TUT4: variants seen among roughly 807,000 people sequenced by gnomAD.
The protein encoded by TUT4 is terminal uridylyl transferase 4.
A neutral mutation model predicts 192.2 loss-of-function variants in TUT4; 36 were observed. That is an observed-to-expected ratio of 0.19 (90% CI 0.14 to 0.25). The LOEUF (loss-of-function observed/expected upper bound fraction) is 0.25, where lower values mean the gene tolerates loss of function less well. Among genes scored for constraint, TUT4 ranks in the 10% least tolerant of loss-of-function variants. The pLI, the probability that TUT4 is intolerant of heterozygous loss-of-function variation, is 1.00. For synonymous variants in TUT4, 618 were observed against 666.0 expected (o/e 0.93, Z 1.11); for missense variants, 1,493 against 1,957.2 (o/e 0.76, Z 4.47).
intron 28 of TUT4, among the ~76,000 whole-genome samples, chr1:52,428,658 A>G (rs1410984539): frequency 6.7e-6 from 1 of 148,534 alleles, no homozygotes; most frequent in Non-Finnish European, 1.5e-5. Flanking sequence ...AATTCCGGGC[A>G]TGGTGGTGCG....
chr1:52,450,695 C>T (rs1030008606), intron 20 of TUT4, among the ~76,000 whole-genome samples: 5 of 152,000 alleles, frequency 3.3e-5, no homozygotes, highest in African/African-American at 1.2e-4. Context: ...GATGATGAAA[C>T]TCAGACTTAT....
intron 14 of TUT4, among the ~76,000 whole-genome samples, chr1:52,471,636 C>A (rs944382910): frequency 4.0e-5 from 6 of 151,302 alleles, no homozygotes; most frequent in African/African-American, 1.5e-4. Context: ...TAGTATAAAA[C>A]TGAAGAACTT....
rs80114823 is a variant in TUT4 at position 52,449,099 on chromosome 1, A to T, written c.3436-2432T>A. On this transcript the variant is annotated intron_variant, in intron 20 of 29. Transcript: ENST00000257177. ...CACACACACAGACACACACACACAC[A>T]CTCTCTCTCCCTGCTGTCTCTCTGT... 3.7e-3 allele frequency among the ~76,000 whole-genome samples: 560 copies of T among 151,360 alleles called. 9 individuals carry two copies. Among genetic ancestry groups the T allele is most frequent in the South Asian group, 0.034 (164 of 4,798 alleles).
intron 18 of TUT4, 64 bp downstream of exon 18, chr1:52,461,449 G>T: frequency 1.4e-6 from 2 of 1,447,686 alleles, no homozygotes; most frequent in South Asian, 2.5e-5. Flanking sequence ...TTTAAACATA[G>T]AGTCAGTAAT....
At chr1:52,492,278 G>A (rs1671351678) in intron 7 of TUT4, among the ~76,000 whole-genome samples, 1 of 152,084 alleles carries the variant, frequency 6.6e-6, no homozygotes, top group Non-Finnish European at 1.5e-5. Context: ...GATAAGAGCT[G>A]ATTGTGTGGA....
At chr1:52,525,365 CTT>C (rs11347391) in intron 2 of TUT4, among the ~76,000 whole-genome samples, 196 bp downstream of exon 2, 1 of 146,652 alleles carries the variant, frequency 6.8e-6, no homozygotes. Flanking sequence ...AATGAAAAGG[CTT>C]TTTTTTTTTA....
upstream of TUT4, chr1:52,553,124 A>T (rs1453367245): frequency 2.2e-4 from 29 of 129,582 alleles, no homozygotes; most frequent in Non-Finnish European, 3.3e-5. Context: ...GGGGAGGGGG[A>T]GGAGGAGGGA....
At chr1:52,546,027 T>C (rs1688008566) in intron 1 of TUT4, among the ~76,000 whole-genome samples, 1 of 148,620 alleles carries the variant, frequency 6.7e-6, no homozygotes, top group Non-Finnish European at 1.5e-5. Context: ...CAGTCCCACC[T>C]ACTCAAGAGG....
chr1:52,460,130 G>A (rs898579856), intron 19 of TUT4, among the ~76,000 whole-genome samples: 4 of 152,174 alleles, frequency 2.6e-5, no homozygotes, highest in Non-Finnish European at 5.9e-5. Flanking sequence ...AGTCTTGTAT[G>A]TAGTATGTGC....
At position 52,495,432 on chromosome 1, in the gene TUT4, G is replaced by C; in HGVS notation, c.1261C>G (p.Pro421Ala). ...GAAAGATTCTAATTACTTACCTTGG[G>C]AGGAAATTTTATATCTATATTAACA... ...SDVNIDIKFP[P>A]KMNHPDLLIK... Residue 421 changes from proline to alanine, a missense_variant, in exon 6 of 30, where the codon CCC becomes GCC. Physicochemically the swap from Pro to Ala is conservative, Grantham distance 27 (BLOSUM62 -1). Coordinates refer to ENST00000257177, the MANE Select transcript of TUT4 (RefSeq NM_001009881.3). The C allele has an allele frequency of 6.3e-7, 1 of 1,596,438 alleles. No individual in the cohort carries two copies. Among genetic ancestry groups the C allele is most frequent in the Non-Finnish European group, 8.6e-7 (1 of 1,167,682 alleles).
At chr1:52,424,215 G>A (rs960705003) in intron 29 of TUT4, 10 of 532,536 alleles carry the variant, frequency 1.9e-5, no homozygotes, top group Non-Finnish European at 3.3e-5. Context: ...GAAAGATGGA[G>A]AGGAGGAATC....
At chr1:52,461,025 A>G (rs1173476049) in intron 19 of TUT4, 109 bp downstream of exon 19, 1 of 841,448 alleles carries the variant, frequency 1.2e-6, no homozygotes, top group African/African-American at 1.7e-5. Flanking sequence ...TTCTTTTTTA[A>G]AAGCTCAGAT....
chr1:52,510,101 C>G (rs187590541), intron 3 of TUT4, among the ~76,000 whole-genome samples: 1 of 151,980 alleles, frequency 6.6e-6, no homozygotes, highest in East Asian at 1.9e-4. Context: ...CACTTGAGCT[C>G]AGGAGTTGAA....
At chr1:52,551,955 T>C (rs1016937918) in intron 1 of TUT4, among the ~76,000 whole-genome samples, 1 of 152,168 alleles carries the variant, frequency 6.6e-6, no homozygotes, top group Admixed American at 6.5e-5. Context: ...AATTACTAAA[T>C]GCATGCCAAC....
chr1:52,491,140 C>A (rs761731754), intron 7 of TUT4, among the ~76,000 whole-genome samples: 13 of 152,304 alleles, frequency 8.5e-5, no homozygotes, highest in Non-Finnish European at 1.6e-4. Flanking sequence ...AGAGAGGACA[C>A]CCCTTACTCC....
At chr1:52,496,469 T>C (rs982895611) in intron 5 of TUT4, among the ~76,000 whole-genome samples, 1 of 152,124 alleles carries the variant, frequency 6.6e-6, no homozygotes, top group Non-Finnish European at 1.5e-5. Context: ...ATCCCTTTGG[T>C]GGGAAGAAAT....
chr1:52,466,886 C>T (rs968342614), intron 15 of TUT4, among the ~76,000 whole-genome samples: 10 of 151,860 alleles, frequency 6.6e-5, no homozygotes, highest in Non-Finnish European at 1.3e-4. Context: ...AGACTCGTCT[C>T]GAACTCCTGA....
intron 4 of TUT4, among the ~76,000 whole-genome samples, chr1:52,500,890 A>G (rs1057181106): frequency 3.3e-5 from 5 of 152,188 alleles, no homozygotes; most frequent in Non-Finnish European, 5.9e-5. Flanking sequence ...CCATGACTGT[A>G]CTCCAGCCTG....
Position 52,428,541 on chromosome 1 carries a change from G to A in TUT4, c.4711+2472C>T, listed in dbSNP as rs543692838. Among the ~76,000 whole-genome samples the A allele has an allele frequency of 2.0e-5, 3 of 150,516 alleles. No homozygotes were observed. The South Asian group carries it at 6.3e-4, about 32-fold the overall frequency. Reference sequence around the variant, plus strand: ...CTTGGGAGGCTGAGGCAGGAGAATCGCTTGAACCCAGGAAGCGGAGGTTGC... The same window carrying A: ...CTTGGGAGGCTGAGGCAGGAGAATCACTTGAACCCAGGAAGCGGAGGTTGC... On this transcript the variant is annotated intron_variant, in intron 28 of 29. Transcript: ENST00000257177.
Sources: gnomAD v4.1 joint callset for allele counts (sites outside exome capture counted in the v4.1 genomes callset) on GRCh38, gnomAD v4.1.1 for gene constraint, MANE v1.5 for transcripts, NCBI Gene and HGNC (gene_info 2026-07-23, HGNC 2026-07-21) for gene names.